MOB3B: variants seen among roughly 807,000 people sequenced by gnomAD.
MOB3B encodes the protein MOB kinase activator-like 2B.
In MOB3B, 7 loss-of-function variants were observed where a neutral mutation model predicts 18.7. The observed-to-expected ratio is 0.37, with a 90% CI of 0.21 to 0.70. The LOEUF (loss-of-function observed/expected upper bound fraction) is 0.70, where lower values mean the gene tolerates loss of function less well. Among genes scored for constraint, MOB3B ranks in the 30% least tolerant of loss-of-function variants. MOB3B has a pLI of 0.52. For synonymous variants in MOB3B, 111 were observed against 99.9 expected (o/e 1.11, Z -0.66); for missense variants, 253 against 281.3 (o/e 0.90, Z 0.72).
chr9:27,449,965 G>A (rs996234306), intron 2 of MOB3B, among the ~76,000 whole-genome samples: 3 of 146,928 alleles, frequency 2.0e-5, no homozygotes, highest in Non-Finnish European at 3.0e-5. Context: ...GCAACAGAGC[G>A]AGACTCTGTC....
chr9:27,459,685 T>A (rs1352317787), intron 1 of MOB3B, among the ~76,000 whole-genome samples: 1 of 151,920 alleles, frequency 6.6e-6, no homozygotes, highest in African/African-American at 2.4e-5. Context: ...AATGACCAGG[T>A]CTTTTGATCT....
At chr9:27,425,294 G>C (rs1445897828) in intron 2 of MOB3B, among the ~76,000 whole-genome samples, 2 of 151,118 alleles carry the variant, frequency 1.3e-5, no homozygotes, top group Non-Finnish European at 1.5e-5. Context: ...AGAATCGCTT[G>C]AACCCAGGAG....
At chr9:27,377,897 G>T (rs1821514976) in intron 2 of MOB3B, among the ~76,000 whole-genome samples, 1 of 152,224 alleles carries the variant, frequency 6.6e-6, no homozygotes. Flanking sequence ...CCCACAGGGG[G>T]TTGAAGGGCA....
chr9:27,468,734 A>G (rs1819425914), intron 1 of MOB3B, among the ~76,000 whole-genome samples: 1 of 152,222 alleles, frequency 6.6e-6, no homozygotes, highest in South Asian at 2.1e-4. Flanking sequence ...GTGTATCTAA[A>G]TGATTGTTAA....
intron 2 of MOB3B, among the ~76,000 whole-genome samples, chr9:27,371,379 T>C (rs1177390945): frequency 6.6e-6 from 1 of 152,150 alleles, no homozygotes; most frequent in African/African-American, 2.4e-5. Flanking sequence ...AAACAGAATC[T>C]GAGGGAAAGA....
At chr9:27,351,826 G>A (rs1344808073) in intron 3 of MOB3B, among the ~76,000 whole-genome samples, 1 of 152,218 alleles carries the variant, frequency 6.6e-6, no homozygotes, top group Non-Finnish European at 1.5e-5. Context: ...TGAGGTCAGT[G>A]TATTCTGGGG....
At chr9:27,379,585 G>A (rs1821543745) in intron 2 of MOB3B, among the ~76,000 whole-genome samples, 1 of 152,160 alleles carries the variant, frequency 6.6e-6, no homozygotes, top group Admixed American at 6.5e-5. Flanking sequence ...GCCGGGCTGT[G>A]AGGGCTGCAG....
chr9:27,465,020 C>T (rs571397046), intron 1 of MOB3B, among the ~76,000 whole-genome samples: 24 of 152,192 alleles, frequency 1.6e-4, no homozygotes, highest in South Asian at 6.2e-4. Context: ...CCAAATCTCA[C>T]GACCTCACAT....
chr9:27,411,925 G>C (rs951822436), intron 2 of MOB3B, among the ~76,000 whole-genome samples: 1 of 152,126 alleles, frequency 6.6e-6, no homozygotes, highest in Non-Finnish European at 1.5e-5. Context: ...AATTGTGGGA[G>C]GAAGGGGCAT....
chr9:27,414,136 C>A (rs1274445670), intron 2 of MOB3B, among the ~76,000 whole-genome samples: 1 of 152,166 alleles, frequency 6.6e-6, no homozygotes, highest in Non-Finnish European at 1.5e-5. Flanking sequence ...GGCTGCTTCC[C>A]CAGGGAAAAC....
chr9:27,349,177 G>A (rs571142642), intron 3 of MOB3B, among the ~76,000 whole-genome samples: 2 of 152,308 alleles, frequency 1.3e-5, no homozygotes, highest in South Asian at 4.1e-4. Flanking sequence ...TTATGTTCCA[G>A]TACCACATTA....
intron 3 of MOB3B, among the ~76,000 whole-genome samples, chr9:27,353,238 C>T (rs1563847911): frequency 1.3e-5 from 2 of 152,202 alleles, no homozygotes; most frequent in Non-Finnish European, 2.9e-5. Flanking sequence ...CGAGTCTCCT[C>T]CTCTCAGATG....
At chr9:27,483,819 T>C (rs1819698125) in intron 1 of MOB3B, among the ~76,000 whole-genome samples, 1 of 152,140 alleles carries the variant, frequency 6.6e-6, no homozygotes, top group Non-Finnish European at 1.5e-5. Flanking sequence ...ATTAATAGGA[T>C]GTGAAGCGAC....
intron 1 of MOB3B, among the ~76,000 whole-genome samples, chr9:27,472,412 G>A (rs1035404513): frequency 3.4e-4 from 52 of 152,050 alleles, no homozygotes; most frequent in African/African-American, 1.2e-3. Context: ...CCCCTGCGGC[G>A]AGGGCTCGCT....
At chr9:27,353,567 T>A (rs1821139545) in intron 3 of MOB3B, among the ~76,000 whole-genome samples, 1 of 152,138 alleles carries the variant, frequency 6.6e-6, no homozygotes, top group South Asian at 2.1e-4. Context: ...ACTTTCATTG[T>A]TAGAAACAAG....
chr9:27,504,094 C>A (rs17696423), intron 1 of MOB3B, among the ~76,000 whole-genome samples: 4,820 of 152,324 alleles, frequency 0.032, 104 homozygotes, highest in Middle Eastern at 0.065. Context: ...CCATCAGACA[C>A]AAAGTACAAA....
chr9:27,500,389 C>A (rs542311152), intron 1 of MOB3B, among the ~76,000 whole-genome samples: 2 of 152,048 alleles, frequency 1.3e-5, no homozygotes, highest in Non-Finnish European at 2.9e-5. Context: ...AGTACTGATA[C>A]CAAAACAGAG....
At chr9:27,489,741 C>CTTGTTTTTTTTTTTTTTTT (rs1819785721) in intron 1 of MOB3B, among the ~76,000 whole-genome samples, 1 of 73,118 alleles carries the variant, frequency 1.4e-5, no homozygotes. Flanking sequence ...AGGAAATAAT[C>CTTGTTTTTTTTTTTTTTTT]TTTTTTTTTT....
intron 1 of MOB3B, chr9:27,526,457 A>G (rs968554376): frequency 6.6e-6 from 1 of 152,236 alleles, no homozygotes; most frequent in Non-Finnish European, 1.5e-5. Context: ...GCTATTTTTC[A>G]TGACTTTCTC....
Sources: allele counts gnomAD v4.1 joint callset (sites outside exome capture counted in the v4.1 genomes callset), GRCh38; gene constraint gnomAD v4.1.1; transcripts MANE v1.5; gene names NCBI Gene and HGNC (gene_info 2026-07-23, HGNC 2026-07-21).